The following CALCRL variants were observed in gnomAD, a reference collection of about 807,000 sequenced individuals.
The protein encoded by CALCRL is calcitonin gene-related peptide type 1 receptor.
In CALCRL, 27 loss-of-function variants were observed where a neutral mutation model predicts 60.4. The ratio of observed to expected loss-of-function variants is 0.45; its 90% confidence interval spans 0.33 to 0.62. The LOEUF (loss-of-function observed/expected upper bound fraction) is 0.62. Ranked by LOEUF, CALCRL falls within the 20% of genes least tolerant of loss-of-function variation. CALCRL has a pLI of 0.03. For missense variants in CALCRL, 424 were observed against 540.7 expected (o/e 0.78, Z 2.14); for synonymous variants, 190 against 182.6 (o/e 1.04, Z -0.33).
At chr2:187,400,399 A>C (rs919062579) in intron 1 of CALCRL, among the ~76,000 whole-genome samples, 4 of 151,530 alleles carry the variant, frequency 2.6e-5, no homozygotes, top group African/African-American at 4.8e-5. Context: ...GTAAGAAAGA[A>C]TACGGGAAAT....
rs202198390 is a variant in CALCRL, at chr2:187,350,575, AAAT to A, written c.1170+1342_1170+1344del. Among the ~76,000 whole-genome samples the A allele has an allele frequency of 7.6e-3, 1,152 of 151,184 alleles. 11 individuals are homozygous for A. The highest frequency in any genetic ancestry group is 0.011 in the Non-Finnish European group (735 of 67,596). ...TCATTACAAATAAATAAATATAGAT[AAAT>A]AATAATAATATAAATAAATACGTGT... On this transcript the variant is annotated intron_variant, in intron 14 of 14. Coordinates refer to ENST00000392370, the MANE Select transcript of CALCRL (RefSeq NM_005795.6).
At chr2:187,368,987 G>C (rs858756) in intron 8 of CALCRL, among the ~76,000 whole-genome samples, 48,265 of 151,926 alleles carry the variant, frequency 0.32, 7,890 homozygotes, top group Middle Eastern at 0.41. Context: ...TCTTTCAATA[G>C]CTCTCTTTTG....
chr2:187,440,406 C>T (rs548842881), intron 1 of CALCRL, among the ~76,000 whole-genome samples: 46 of 152,214 alleles, frequency 3.0e-4, no homozygotes, highest in African/African-American at 1.0e-3. Flanking sequence ...TTTAAAAAAG[C>T]ACATGCCATT....
chr2:187,387,144 G>T (rs1406055255), intron 3 of CALCRL, among the ~76,000 whole-genome samples, 185 bp downstream of exon 3: 1 of 152,150 alleles, frequency 6.6e-6, no homozygotes, highest in African/African-American at 2.4e-5. Context: ...TGTAAGCTTA[G>T]ATTTAATTTT....
intron 14 of CALCRL, 89 bp from the exon 15 acceptor site, chr2:187,346,488 TGGAG>T: frequency 1.2e-6 from 1 of 836,386 alleles, no homozygotes; most frequent in Non-Finnish European, 1.8e-6. Context: ...AAATAGGTCT[TGGAG>T]AAGAGCTTTT....
intron 8 of CALCRL, among the ~76,000 whole-genome samples, chr2:187,371,776 G>A (rs1424868778): frequency 2.0e-5 from 3 of 151,644 alleles, no homozygotes; most frequent in Non-Finnish European, 4.4e-5. Context: ...AATTTTCAGA[G>A]AAAAGTTATA....
chr2:187,389,715 C>G (rs1303402423), intron 1 of CALCRL, among the ~76,000 whole-genome samples: 21 of 151,996 alleles, frequency 1.4e-4, no homozygotes, highest in Admixed American at 1.1e-3. Context: ...GGTGGGGACA[C>G]TGGGTAATCT....
In CALCRL at chr2:187,360,641, A is replaced by C; in HGVS notation, c.738T>G (p.Phe246Leu). ...YLHTLIVVAV[F>L]AEKQHLMWYY... ...ACCACATTAAATGTTGCTTCTCTGCAAACACGGCCACCACAATGAGTGTGT... is the reference window on the plus strand; with the variant it reads ...ACCACATTAAATGTTGCTTCTCTGCCAACACGGCCACCACAATGAGTGTGT... The change falls in exon 10 of 15, where the codon TTT becomes TTG. Residue 246 changes from phenylalanine to leucine, a missense_variant. Physicochemically the swap from Phe to Leu is conservative, Grantham distance 22 (BLOSUM62 0). Around this residue, in one of 7 missense-constraint regions of CALCRL, gnomAD observed 222 missense variants for 265.6 expected, o/e 0.84. Transcript: ENST00000392370. The C allele has an allele frequency of 6.2e-7, 1 of 1,612,656 alleles. No individual in the cohort carries two copies. Among genetic ancestry groups the C allele is most frequent in the Non-Finnish European group, 8.5e-7 (1 of 1,179,190 alleles).
Position 187,385,591 on chromosome 2 carries a change from T to A in CALCRL, c.5A>T (p.Glu2Val). ...CAGAAAATACAGGGTACACTTTTTCTCCATCATTAAGCCAAAATGAAATAT... is the reference window on the plus strand; with the variant it reads ...CAGAAAATACAGGGTACACTTTTTCACCATCATTAAGCCAAAATGAAATAT... MEKKCTLYFLVL... is the reference protein window; with the variant it reads MVKKCTLYFLVL... Residue 2 changes from glutamate to valine, a missense_variant, in exon 4 of 15, where the codon GAG (glutamate) becomes GTG (valine). Physicochemically the swap from Glu to Val is moderately radical, Grantham distance 121. This residue lies in a region of CALCRL where 108 missense variants were observed against 132.9 expected (regional missense o/e 0.81). Transcript: ENST00000392370. 6.4e-7 allele frequency: 1 copy of A among 1,565,452 alleles called. No individual in the cohort carries two copies. The highest frequency in any genetic ancestry group is 8.7e-7 in the Non-Finnish European group (1 of 1,145,088).
At chr2:187,405,550 G>A (rs1346417935) in intron 1 of CALCRL, among the ~76,000 whole-genome samples, 2 of 151,958 alleles carry the variant, frequency 1.3e-5, no homozygotes, top group African/African-American at 2.4e-5. Flanking sequence ...TATTGTTAAG[G>A]AGGTGAAGAC....
intron 9 of CALCRL, 88 bp from the exon 10 acceptor site, chr2:187,360,839 C>T: frequency 8.3e-7 from 1 of 1,211,132 alleles, no homozygotes; most frequent in African/African-American, 1.5e-5. Flanking sequence ...AAACATGGAA[C>T]ATTCTCCCCT....
chr2:187,388,297 T>G (rs1348154770), intron 1 of CALCRL, among the ~76,000 whole-genome samples: 1 of 152,142 alleles, frequency 6.6e-6, no homozygotes, highest in East Asian at 1.9e-4. Flanking sequence ...AGTTGTTTTG[T>G]TTTTGGTTTT....
chr2:187,434,512 C>T (rs935634005), intron 1 of CALCRL, among the ~76,000 whole-genome samples: 20 of 152,164 alleles, frequency 1.3e-4, no homozygotes, highest in South Asian at 2.1e-4. Flanking sequence ...AAAGATATGA[C>T]GCAATGGAAA....
intron 1 of CALCRL, among the ~76,000 whole-genome samples, chr2:187,407,552 T>C (rs1689188703): frequency 6.6e-6 from 1 of 152,114 alleles, no homozygotes. Context: ...TAATGCATAT[T>C]CAAAATTTTA....
intron 10 of CALCRL, 102 bp from the exon 11 acceptor site, chr2:187,359,374 C>A (rs1202846897): frequency 1.3e-6 from 1 of 749,620 alleles, no homozygotes. Context: ...ACTCTAGGAG[C>A]AAAAAAACTA....
At chr2:187,346,841 TCAG>T (rs57186359) in intron 14 of CALCRL, among the ~76,000 whole-genome samples, 1 of 150,444 alleles carries the variant, frequency 6.6e-6, no homozygotes, top group Non-Finnish European at 1.5e-5. Flanking sequence ...AGAATACAAA[TCAG>T]CAGCAGCAGC....
intron 1 of CALCRL, among the ~76,000 whole-genome samples, chr2:187,447,799 A>G (rs1306469651): frequency 1.3e-5 from 2 of 152,036 alleles, no homozygotes; most frequent in Non-Finnish European, 2.9e-5. Context: ...ATCCATTTAG[A>G]TTTTTAATAC....
At chr2:187,352,481 A>G in intron 12 of CALCRL, 149 bp from the exon 13 acceptor site, 1 of 546,920 alleles carries the variant, frequency 1.8e-6, no homozygotes, top group Non-Finnish European at 3.3e-6. Flanking sequence ...GCATTAATTT[A>G]TATTTCTGGA....
intron 1 of CALCRL, among the ~76,000 whole-genome samples, chr2:187,395,551 CT>C (rs1471655014): frequency 6.6e-6 from 1 of 151,994 alleles, no homozygotes; most frequent in Non-Finnish European, 1.5e-5. Context: ...AAGAAAACTT[CT>C]TCTAGAAATT....
Sources: allele counts gnomAD v4.1 joint callset (sites outside exome capture counted in the v4.1 genomes callset), GRCh38; gene constraint gnomAD v4.1.1; regional missense constraint gnomAD v4.1.1; transcripts MANE v1.5; gene names NCBI Gene and HGNC (gene_info 2026-07-23, HGNC 2026-07-21).